UTRN: variants seen among roughly 807,000 people sequenced by gnomAD.
UTRN encodes the protein utrophin.
A neutral mutation model predicts 463.9 loss-of-function variants in UTRN; 283 were observed. That is an observed-to-expected ratio of 0.61 (90% CI 0.55 to 0.67). UTRN has a LOEUF of 0.67. UTRN is among the 30% of genes least tolerant of loss of function. The probability of loss-of-function intolerance (pLI) is 0.00; values close to 1 mark genes in which losing one functional copy is unlikely to be tolerated. For missense variants in UTRN, 3,922 were observed against 4,084.3 expected (o/e 0.96, Z 1.08); for synonymous variants, 1,442 against 1,431.5 (o/e 1.01, Z -0.17).
intron 46 of UTRN, among the ~76,000 whole-genome samples, chr6:144,546,402 C>T (rs185067054): frequency 5.3e-5 from 8 of 152,152 alleles, no homozygotes; most frequent in African/African-American, 1.4e-4. Context: ...GATAGTTATC[C>T]GTATTTACCT....
intron 25 of UTRN, among the ~76,000 whole-genome samples, chr6:144,475,264 G>T (rs555576017): frequency 6.6e-6 from 1 of 152,306 alleles, no homozygotes; most frequent in Admixed American, 6.5e-5. Context: ...TTCTGAGATG[G>T]GGATGTTTGA....
At chr6:144,602,045 G>A (rs1453784841) in intron 51 of UTRN, among the ~76,000 whole-genome samples, 24 of 152,140 alleles carry the variant, frequency 1.6e-4, no homozygotes, top group African/African-American at 7.2e-5. Context: ...TGGAAACTAC[G>A]ACTTTAAGCA....
chr6:144,836,645 A>G, intron 71 of UTRN, 104 bp downstream of exon 71: 3 of 1,487,184 alleles, frequency 2.0e-6, no homozygotes, highest in Non-Finnish European at 2.7e-6. Context: ...TCCACTTTCA[A>G]TTTCTTACCT....
chr6:144,481,542 A>C (rs1203008530), intron 26 of UTRN, among the ~76,000 whole-genome samples: 2 of 152,228 alleles, frequency 1.3e-5, no homozygotes, highest in African/African-American at 4.8e-5. Context: ...ATTTTTGTGA[A>C]AATATATTTA....
intron 50 of UTRN, among the ~76,000 whole-genome samples, chr6:144,563,785 C>T (rs1015850980): frequency 1.3e-4 from 20 of 152,076 alleles, no homozygotes; most frequent in African/African-American, 4.6e-4. Context: ...TCTTCTGTTA[C>T]GTTGTTTTAA....
chr6:144,642,090 T>A (rs1483214746), intron 51 of UTRN, among the ~76,000 whole-genome samples: 2 of 152,218 alleles, frequency 1.3e-5, no homozygotes, highest in African/African-American at 4.8e-5. Context: ...ACTGTCTGTG[T>A]TTGGGCTGGC....
intron 35 of UTRN, among the ~76,000 whole-genome samples, chr6:144,512,887 C>G (rs954093066): frequency 6.6e-6 from 1 of 152,098 alleles, no homozygotes; most frequent in Admixed American, 6.6e-5. Flanking sequence ...TTAATGATTT[C>G]TTTCTTTGTA....
intron 53 of UTRN, among the ~76,000 whole-genome samples, chr6:144,701,052 G>A (rs568655150): frequency 1.9e-4 from 29 of 152,070 alleles, no homozygotes; most frequent in African/African-American, 5.8e-4. Flanking sequence ...GACTACAGGC[G>A]CATGCCACCA....
intron 51 of UTRN, among the ~76,000 whole-genome samples, chr6:144,654,917 C>T (rs368603034): frequency 6.6e-6 from 1 of 152,116 alleles, no homozygotes; most frequent in African/African-American, 2.4e-5. Flanking sequence ...CCTACCCCAC[C>T]CACCCATTTT....
rs761403116 is a variant in UTRN at position 144,423,640 on chromosome 6, G to A, written c.312+14G>A. On this transcript the variant is annotated intron_variant, in intron 5 of 74. Transcript: ENST00000367545. Reference sequence around the variant, plus strand: ...CATCAGAACAATGTAAGTGTGTAATGTGAGTTCTGGGGGTCTGTGCTGCCA... The same window carrying A: ...CATCAGAACAATGTAAGTGTGTAATATGAGTTCTGGGGGTCTGTGCTGCCA... 1.9e-6 allele frequency: 3 copies of A among 1,613,986 alleles called. No homozygotes were observed. Among genetic ancestry groups the A allele is most frequent in the South Asian group, 1.1e-5 (1 of 91,080 alleles).
intron 61 of UTRN, among the ~76,000 whole-genome samples, chr6:144,784,147 T>A (rs530759148): frequency 6.6e-6 from 1 of 152,316 alleles, no homozygotes; most frequent in African/African-American, 2.4e-5. Context: ...TTCAGTCCTA[T>A]AGAATATGGT....
At chr6:144,681,361 G>A (rs1231614612) in intron 52 of UTRN, among the ~76,000 whole-genome samples, 1 of 152,264 alleles carries the variant, frequency 6.6e-6, no homozygotes, top group East Asian at 1.9e-4. Context: ...GAATGGTGAA[G>A]GAGAGGGAAG....
At chr6:144,422,574 C>T (rs1403269162) in intron 4 of UTRN, among the ~76,000 whole-genome samples, 3 of 151,546 alleles carry the variant, frequency 2.0e-5, no homozygotes, top group Non-Finnish European at 2.9e-5. Context: ...GCCGAGATTG[C>T]GCCACTGCAC....
chr6:144,392,841 G>T (rs538357152), intron 2 of UTRN, among the ~76,000 whole-genome samples: 139 of 152,284 alleles, frequency 9.1e-4, no homozygotes, highest in African/African-American at 3.2e-3. Flanking sequence ...ATAAAAGAAA[G>T]TCATACCTCT....
chr6:144,704,476 G>A (rs1784880027), intron 53 of UTRN, among the ~76,000 whole-genome samples: 2 of 152,310 alleles, frequency 1.3e-5, no homozygotes, highest in East Asian at 3.9e-4. Context: ...TCTAGAACAT[G>A]ACACAGTACA....
At chr6:144,726,690 T>G (rs904338039) in intron 53 of UTRN, among the ~76,000 whole-genome samples, 4 of 152,146 alleles carry the variant, frequency 2.6e-5, no homozygotes, top group African/African-American at 9.7e-5. Flanking sequence ...ATGAGAAAGG[T>G]GGAATGCTAC....
At chr6:144,410,978 C>T (rs913071144) in intron 3 of UTRN, among the ~76,000 whole-genome samples, 5 of 152,066 alleles carry the variant, frequency 3.3e-5, no homozygotes, top group Non-Finnish European at 7.3e-5. Context: ...CTCTGATGGG[C>T]ATTTGGGCTG....
Position 144,436,107 on chromosome 6 carries a change from A to T in UTRN, c.1028A>T (p.Glu343Val). Residue 343 changes from glutamate to valine, a missense_variant, in exon 10 of 75, where the codon GAA (glutamate) becomes GTA (valine). By Grantham distance (121) the Glu-to-Val change is moderately radical. Around this residue, in one of 3 missense-constraint regions of UTRN, gnomAD observed 2,349 missense variants for 2,303.8 expected, o/e 1.02. Coordinates refer to ENST00000367545, the MANE Select transcript of UTRN (RefSeq NM_007124.3). ...CAGGATGATATTTCTGATGATGTTGAAGAAGTCAAAGACCAGTTTGCAACC... is the reference window on the plus strand; with the variant it reads ...CAGGATGATATTTCTGATGATGTTGTAGAAGTCAAAGACCAGTTTGCAACC... ...QEQDDISDDVEEVKDQFATHE... is the reference protein window; with the variant it reads ...QEQDDISDDVVEVKDQFATHE... 1 of 1,614,126 alleles carries T rather than the reference A, an allele frequency of 6.2e-7. No homozygotes were observed.
chr6:144,797,831 A>G lies in UTRN; in HGVS notation c.9086A>G (p.Asn3029Ser), dbSNP rs773239701. 4 of 1,613,646 alleles carry G rather than the reference A, an allele frequency of 2.5e-6. No individual in the cohort carries two copies. The highest frequency in any genetic ancestry group is 1.7e-5 in the Admixed American group (1 of 59,912). Residue 3029 changes from asparagine to serine, a missense_variant, in exon 64 of 75, where the codon AAT becomes AGT. Around this residue, in one of 3 missense-constraint regions of UTRN, gnomAD observed 1,309 missense variants for 1,452.6 expected, o/e 0.90. Coordinates refer to ENST00000367545, the MANE Select transcript of UTRN (RefSeq NM_007124.3). ...SVRSCFQQNN[N>S]KPEISVKEFI... is the part of the protein sequence containing the mutation. ...TATTTCTTTTTTCACCAGAATAACA[A>G]TAAACCAGAAATAAGTGTGAAAGAG...
Sources: allele counts gnomAD v4.1 joint callset (sites outside exome capture counted in the v4.1 genomes callset), GRCh38; gene constraint gnomAD v4.1.1; regional missense constraint gnomAD v4.1.1; transcripts MANE v1.5; gene names NCBI Gene and HGNC (gene_info 2026-07-23, HGNC 2026-07-21).